RTTN: variants seen among roughly 807,000 people sequenced by gnomAD.
The protein encoded by RTTN is rotatin.
Under a neutral mutation model 269.2 loss-of-function variants are expected in RTTN, and 182 were observed. That is an observed-to-expected ratio of 0.68 (90% CI 0.60 to 0.76). The LOEUF (loss-of-function observed/expected upper bound fraction) is 0.76, where lower values mean the gene tolerates loss of function less well. RTTN is among the 30% of genes least tolerant of loss of function. The pLI is 0.00. For missense variants in RTTN, 2,545 were observed against 2,608.6 expected (o/e 0.98, Z 0.53); for synonymous variants, 1,006 against 963.5 (o/e 1.04, Z -0.82).
At chr18:70,071,089 T>C (rs1414577085) in intron 34 of RTTN, among the ~76,000 whole-genome samples, 1 of 152,144 alleles carries the variant, frequency 6.6e-6, no homozygotes, top group Non-Finnish European at 1.5e-5. Context: ...GAAGCAAACA[T>C]ACTTCTGGAC....
intron 43 of RTTN, among the ~76,000 whole-genome samples, chr18:70,028,394 T>C (rs1238656411): frequency 1.3e-5 from 2 of 152,178 alleles, no homozygotes; most frequent in African/African-American, 2.4e-5. Context: ...GCTTCACTTA[T>C]TTCCTTGAAG....
chr18:70,092,855 A>G (rs2058888871), intron 28 of RTTN, 51 bp from the exon 29 acceptor site: 1 of 1,501,544 alleles, frequency 6.7e-7, no homozygotes, highest in African/African-American at 1.4e-5. Flanking sequence ...TCAATGGTAT[A>G]TAAAGATAAA....
chr18:70,018,488 T>TTC (rs150162601), intron 45 of RTTN, among the ~76,000 whole-genome samples: 2,525 of 152,254 alleles, frequency 0.017, 72 homozygotes, highest in African/African-American at 0.057. Context: ...AGAATAACTC[T>TTC]TCTCTCTCTC....
intron 40 of RTTN, among the ~76,000 whole-genome samples, chr18:70,043,549 T>C (rs2057405369): frequency 6.6e-6 from 1 of 151,998 alleles, no homozygotes; most frequent in Non-Finnish European, 1.5e-5. Context: ...TTTAGAGACA[T>C]GAAAGAGAAG....
At chr18:70,119,111 G>GC (rs944580845) in intron 26 of RTTN, among the ~76,000 whole-genome samples, 3 of 151,890 alleles carry the variant, frequency 2.0e-5, no homozygotes, top group African/African-American at 7.2e-5. Context: ...GAAATAAAAG[G>GC]CATCCACATT....
intron 39 of RTTN, among the ~76,000 whole-genome samples, chr18:70,050,992 G>A (rs940387064): frequency 2.0e-5 from 3 of 151,980 alleles, no homozygotes; most frequent in African/African-American, 4.8e-5. Flanking sequence ...CTAGATGATC[G>A]GTTGATAGGT....
chr18:70,077,289 CT>C (rs761624593), intron 32 of RTTN, among the ~76,000 whole-genome samples: 4 of 151,894 alleles, frequency 2.6e-5, no homozygotes, highest in Non-Finnish European at 5.9e-5. Context: ...AATGCTTCCT[CT>C]ATCAGTTACC....
At chr18:70,093,578 G>A (rs913781376) in intron 28 of RTTN, among the ~76,000 whole-genome samples, 3 of 152,114 alleles carry the variant, frequency 2.0e-5, no homozygotes, top group Non-Finnish European at 4.4e-5. Context: ...TTTTCTCACT[G>A]GTTCTGTTTA....
intron 32 of RTTN, among the ~76,000 whole-genome samples, chr18:70,082,761 G>C (rs773058533): frequency 3.9e-5 from 6 of 152,150 alleles, no homozygotes; most frequent in Non-Finnish European, 8.8e-5. Flanking sequence ...CACAATCATA[G>C]CTTACTGTGG....
chr18:70,059,845 C>T lies in RTTN; in HGVS notation c.4940+5G>A. ...CATGCCTCTCTAGGAGTATTTATCT[C>T]TTACCTACAGAGAAGTTCTATGAGA... On this transcript the variant is annotated splice_donor_5th_base_variant and intron_variant, in intron 36 of 48. Coordinates refer to ENST00000640769, the MANE Select transcript of RTTN (RefSeq NM_173630.4). 3 of 1,581,688 alleles carry T rather than the reference C, an allele frequency of 1.9e-6. No homozygotes were observed. The highest frequency in any genetic ancestry group is 2.6e-6 in the Non-Finnish European group (3 of 1,162,252).
intron 18 of RTTN, among the ~76,000 whole-genome samples, chr18:70,144,145 C>A (rs2060329147): frequency 1.3e-5 from 2 of 152,114 alleles, no homozygotes; most frequent in African/African-American, 2.4e-5. Flanking sequence ...CTGTGCCCGG[C>A]CCCTCTCTTC....
intron 17 of RTTN, among the ~76,000 whole-genome samples, chr18:70,147,484 C>A (rs1049682185): frequency 6.6e-6 from 1 of 152,082 alleles, no homozygotes; most frequent in African/African-American, 2.4e-5. Context: ...AGGACAAAAT[C>A]ACCTAACAAA....
rs575691891 is a variant in RTTN at position 70,183,232 on chromosome 18, G to A, written c.1305+4876C>T. On this transcript the variant is annotated intron_variant, in intron 10 of 48. Coordinates refer to ENST00000640769, the MANE Select transcript of RTTN (RefSeq NM_173630.4). ...GAAATCCAAAGAGTCTGACAGTCTC[G>A]ATGACTTTAGGAGATGAAGATGCCT... Among the ~76,000 whole-genome samples the A allele has an allele frequency of 4.6e-5, 7 of 152,292 alleles. No homozygotes were observed. In the East Asian group the frequency reaches 5.8e-4, roughly 13 times the overall value.
In RTTN at chr18:70,088,021, C is replaced by T; in HGVS notation, c.4270G>A (p.Asp1424Asn). The T allele has an allele frequency of 6.2e-7, 1 of 1,613,718 alleles. No homozygotes were observed. Among genetic ancestry groups the T allele is most frequent in the Non-Finnish European group, 8.5e-7 (1 of 1,179,818 alleles). The change falls in exon 31 of 49, where the codon GAC (aspartate) becomes AAC (asparagine). Residue 1424 changes from aspartate (D) to asparagine (N), a missense_variant. Physicochemically the swap from Asp to Asn is conservative, Grantham distance 23. Coordinates refer to ENST00000640769, the MANE Select transcript of RTTN (RefSeq NM_173630.4). The part of the protein sequence containing the change: ...LWGTVVNILL[D>N]QSECSMVRRE... ...CGCACCATACTACATTCTGACTGGT[C>T]CAGAAGAATGTTCACCACAGTTCCC...
In RTTN at chr18:70,051,435, C is replaced by T. The variant is rs770623615; in HGVS notation, c.5299G>A (p.Ala1767Thr). 1.2e-6 allele frequency: 2 copies of T among 1,613,504 alleles called. No individual in the cohort carries two copies. Among genetic ancestry groups the T allele is most frequent in the Non-Finnish European group, 1.7e-6 (2 of 1,179,762 alleles). The change falls in exon 39 of 49, where the codon GCC becomes ACC. Residue 1767 changes from alanine to threonine, a missense_variant. Transcript: ENST00000640769. ...ITLPFVTVAL[A>T]KHWTAAIDMF... The stretch of plus-strand genomic sequence containing the variant: ...CCAATCGCCGCTGTCCAGTGCTTGG[C>T]CAGGGCCACGGTAACAAACGGGAGT...
chr18:70,062,347 T>C (rs2058012233), intron 35 of RTTN, among the ~76,000 whole-genome samples: 1 of 152,198 alleles, frequency 6.6e-6, no homozygotes, highest in Non-Finnish European at 1.5e-5. Context: ...CAATCTCTTC[T>C]ACACTGTTCC....
intron 8 of RTTN, 86 bp downstream of exon 8, chr18:70,193,200 CAG>C: frequency 2.0e-6 from 2 of 977,206 alleles, no homozygotes; most frequent in Middle Eastern, 3.0e-4. Flanking sequence ...AAAAAAAGGA[CAG>C]AAAAATAATT....
chr18:70,119,858 T>A (rs1409995646), intron 26 of RTTN, among the ~76,000 whole-genome samples: 1 of 152,228 alleles, frequency 6.6e-6, no homozygotes, highest in East Asian at 1.9e-4. Flanking sequence ...AATAAATGTT[T>A]ATTGAGAGCT....
chr18:70,060,908 A>T (rs566390174), intron 35 of RTTN, among the ~76,000 whole-genome samples: 275 of 151,758 alleles, frequency 1.8e-3, no homozygotes, highest in South Asian at 0.014. Flanking sequence ...AGTTCCATCC[A>T]TGTTGCTGCA....
Sources: gnomAD v4.1 joint callset for allele counts (sites outside exome capture counted in the v4.1 genomes callset) on GRCh38, gnomAD v4.1.1 for gene constraint, MANE v1.5 for transcripts, NCBI Gene and HGNC (gene_info 2026-07-23, HGNC 2026-07-21) for gene names.